The following GABRB1 variants were observed in gnomAD, a reference collection of about 807,000 sequenced individuals.
The protein encoded by GABRB1 is gamma-aminobutyric acid type A receptor subunit beta1.
Under a neutral mutation model 51.6 loss-of-function variants are expected in GABRB1, and 17 were observed. That is an observed-to-expected ratio of 0.33 (90% confidence interval 0.23 to 0.49). The LOEUF is 0.49. Ranked by LOEUF, GABRB1 falls within the 20% of genes least tolerant of loss-of-function variation. The pLI is 0.99. For missense variants in GABRB1, 410 were observed against 600.6 expected, an observed-to-expected ratio of 0.68 and a Z score of 3.32; for synonymous variants, 247 against 218.9, an observed-to-expected ratio of 1.13 and a Z score of -1.14.
intron 4 of GABRB1, among the ~76,000 whole-genome samples, chr4:47,283,829 G>T (rs368868346): frequency 8.5e-5 from 13 of 152,144 alleles, no homozygotes; most frequent in African/African-American, 3.1e-4. Flanking sequence ...CGATGACCAT[G>T]AATTTGTGGT....
intron 4 of GABRB1, among the ~76,000 whole-genome samples, chr4:47,240,062 G>A (rs1039249613): frequency 1.3e-5 from 2 of 152,168 alleles, no homozygotes; most frequent in African/African-American, 2.4e-5. Context: ...AGATCAAGAG[G>A]CAATTTACTC....
intron 8 of GABRB1, among the ~76,000 whole-genome samples, chr4:47,420,299 GA>G (rs1729053369): frequency 6.6e-6 from 1 of 152,174 alleles, no homozygotes; most frequent in East Asian, 1.9e-4. Context: ...GGAGCAGTGA[GA>G]GGGGAGAAGG....
intron 3 of GABRB1, among the ~76,000 whole-genome samples, chr4:47,092,715 C>T (rs978018125): frequency 9.2e-5 from 14 of 151,644 alleles, no homozygotes; most frequent in African/African-American, 3.4e-4. Flanking sequence ...CAGGTTCAAG[C>T]AATTCTCTGC....
intron 4 of GABRB1, among the ~76,000 whole-genome samples, chr4:47,306,967 G>A (rs1227317097): frequency 1.3e-5 from 2 of 152,086 alleles, no homozygotes; most frequent in Non-Finnish European, 2.9e-5. Context: ...GTAGCAAGTA[G>A]GGAACTAGAA....
At chr4:47,307,119 A>G (rs1220915733) in intron 4 of GABRB1, among the ~76,000 whole-genome samples, 1 of 152,106 alleles carries the variant, frequency 6.6e-6, no homozygotes, top group African/African-American at 2.4e-5. Context: ...ATGTCACCAG[A>G]CAATCTTGGC....
intron 4 of GABRB1, among the ~76,000 whole-genome samples, chr4:47,283,595 A>C (rs1723386474): frequency 1.3e-5 from 2 of 151,188 alleles, no homozygotes; most frequent in African/African-American, 4.9e-5. Context: ...TCACTGTGTT[A>C]GCCAGGATGG....
intron 1 of GABRB1, among the ~76,000 whole-genome samples, chr4:47,016,130 G>A (rs1043190661): frequency 2.0e-5 from 3 of 152,096 alleles, no homozygotes; most frequent in Admixed American, 6.6e-5. Flanking sequence ...CTGGGTATGT[G>A]GTAATAGGGG....
intron 4 of GABRB1, among the ~76,000 whole-genome samples, chr4:47,182,321 G>T (rs1718985354): frequency 6.6e-6 from 1 of 151,934 alleles, no homozygotes; most frequent in African/African-American, 2.4e-5. Context: ...ATGCAGTAGA[G>T]ATTCATGGTT....
chr4:47,124,192 G>T (rs951474244), intron 3 of GABRB1, among the ~76,000 whole-genome samples: 2 of 151,480 alleles, frequency 1.3e-5, no homozygotes, highest in Non-Finnish European at 2.9e-5. Flanking sequence ...AAACCTCATG[G>T]TCTTAAAGGA....
chr4:47,149,690 G>T (rs184225604), intron 3 of GABRB1, among the ~76,000 whole-genome samples: 1 of 152,134 alleles, frequency 6.6e-6, no homozygotes, highest in East Asian at 1.9e-4. Flanking sequence ...GTTTGATACA[G>T]GCCCAAGGAT....
At chr4:47,191,789 G>C (rs1010186977) in intron 4 of GABRB1, among the ~76,000 whole-genome samples, 1 of 152,020 alleles carries the variant, frequency 6.6e-6, no homozygotes, top group Non-Finnish European at 1.5e-5. Flanking sequence ...GTGTAGAAGA[G>C]AGGAAGGGAC....
At chr4:47,086,254 T>C (rs1411759228) in intron 3 of GABRB1, among the ~76,000 whole-genome samples, 2 of 152,206 alleles carry the variant, frequency 1.3e-5, no homozygotes, top group African/African-American at 4.8e-5. Flanking sequence ...TATTCAGCTC[T>C]TCAAAGATAA....
In GABRB1 at chr4:47,001,236, G is replaced by A. The variant is rs919331072; in HGVS notation, c.-20+7310G>A. ...GGGCTCACTGCAAGCTCCGCCTCCCGGGTTCACGCCATTCTCCTGCCTCAG... is the reference window on the plus strand; with the variant it reads ...GGGCTCACTGCAAGCTCCGCCTCCCAGGTTCACGCCATTCTCCTGCCTCAG... On this transcript the variant is annotated intron_variant, in intron 1 of 3. Coordinates refer to the GABRB1 transcript ENST00000513567. 3.3e-5 allele frequency among the ~76,000 whole-genome samples: 5 copies of A among 152,162 alleles called. No homozygotes were observed. In the East Asian group the frequency reaches 5.8e-4, roughly 18 times the overall value.
intron 3 of GABRB1, among the ~76,000 whole-genome samples, chr4:47,058,049 A>G (rs1450701623): frequency 1.3e-5 from 2 of 152,220 alleles, no homozygotes; most frequent in South Asian, 2.1e-4. Context: ...AGAATAAGCA[A>G]TAGTAAAATC....
chr4:47,411,683 C>A (rs1344581523), intron 8 of GABRB1, among the ~76,000 whole-genome samples: 1 of 152,128 alleles, frequency 6.6e-6, no homozygotes, highest in Non-Finnish European at 1.5e-5. Flanking sequence ...GATATTATAT[C>A]ATAGTTATGT....
chr4:47,317,881 T>C (rs776497394), intron 4 of GABRB1, among the ~76,000 whole-genome samples: 1 of 151,948 alleles, frequency 6.6e-6, no homozygotes, highest in African/African-American at 2.4e-5. Context: ...GAATCATCCT[T>C]GTATCCCAGT....
In GABRB1 at chr4:47,256,262, G is replaced by T. The variant is rs144055258; in HGVS notation, c.462-63865G>T. The stretch of plus-strand genomic sequence containing the variant: ...GTAATAAACTATATGAACTAGAATG[G>T]TTCTAATTTTGTGTTAAAAATAGTT... On this transcript the variant is annotated intron_variant, in intron 4 of 8. Transcript: ENST00000295454. Among the ~76,000 whole-genome samples the T allele has an allele frequency of 5.3e-5, 8 of 152,284 alleles. No individual in the cohort carries two copies. The East Asian group carries it at 1.5e-3, about 29-fold the overall frequency.
chr4:47,035,738 T>C lies in GABRB1; in HGVS notation c.240+3254T>C, dbSNP rs2109477131. On this transcript the variant is annotated intron_variant, in intron 3 of 8. Coordinates refer to ENST00000295454, the MANE Select transcript of GABRB1 (RefSeq NM_000812.4). ...TGGAGACAAGAGCTCCCAGAAATTGTCCTTAACATAACCACTAACATCTGC... is the reference window on the plus strand; with the variant it reads ...TGGAGACAAGAGCTCCCAGAAATTGCCCTTAACATAACCACTAACATCTGC... Among the ~76,000 whole-genome samples, 5 of 152,234 alleles carry C rather than the reference T, an allele frequency of 3.3e-5. 1 individual carries two copies. Among genetic ancestry groups the C allele is most frequent in the Admixed American group, 3.3e-4 (5 of 15,296 alleles).
At chr4:47,140,353 A>G (rs1363085827) in intron 3 of GABRB1, among the ~76,000 whole-genome samples, 3 of 152,046 alleles carry the variant, frequency 2.0e-5, no homozygotes, top group Non-Finnish European at 4.4e-5. Flanking sequence ...TGATCAAAAT[A>G]TACAATTCTC....
Sources: gnomAD v4.1 joint callset for allele counts (sites outside exome capture counted in the v4.1 genomes callset) on GRCh38, gnomAD v4.1.1 for gene constraint, MANE v1.5 for transcripts, NCBI Gene and HGNC (gene_info 2026-07-23, HGNC 2026-07-21) for gene names.